Variants in PTCHD4 observed in about 807,000 individuals in gnomAD.
PTCHD4 encodes patched domain containing 4.
In PTCHD4, 33 loss-of-function variants were observed where a neutral mutation model predicts 58.1. The ratio of observed to expected loss-of-function variants is 0.57; its 90% CI spans 0.43 to 0.76. The LOEUF (loss-of-function observed/expected upper bound fraction) is 0.76, where lower values mean the gene tolerates loss of function less well. Ranked by LOEUF, PTCHD4 falls within the 30% of genes least tolerant of loss-of-function variation. The probability of loss-of-function intolerance (pLI) is 0.00; values close to 1 mark genes in which losing one functional copy is unlikely to be tolerated. For missense variants in PTCHD4, 1,058 were observed against 1,027.1 expected (o/e 1.03, Z -0.41); for synonymous variants, 478 against 409.6 (o/e 1.17, Z -2.02).
intron 4 of PTCHD4, among the ~76,000 whole-genome samples, chr6:48,007,318 A>G (rs563051493): frequency 6.6e-6 from 1 of 152,324 alleles, no homozygotes; most frequent in African/African-American, 2.4e-5. Flanking sequence ...ATAGATAAAT[A>G]AGTTAGATCC....
rs539511180 is a variant in PTCHD4, at chr6:47,972,567, T to C, written c.898+36067A>G. Among the ~76,000 whole-genome samples, 14 of 152,266 alleles carry C rather than the reference T, an allele frequency of 9.2e-5. No homozygotes were observed. In the South Asian group the frequency reaches 2.9e-3, roughly 32 times the overall value. On this transcript the variant is annotated intron_variant, in intron 4 of 4. Transcript: ENST00000339488. Reference sequence around the variant, plus strand: ...AATTTTTTGAACATTGTATAAAGTTTAGCAAAGTCTTTTAGCTTCAAAAAT... The same window carrying C: ...AATTTTTTGAACATTGTATAAAGTTCAGCAAAGTCTTTTAGCTTCAAAAAT...
At chr6:48,086,046 C>A (rs1188444638) in intron 1 of PTCHD4, among the ~76,000 whole-genome samples, 1 of 151,824 alleles carries the variant, frequency 6.6e-6, no homozygotes, top group Non-Finnish European at 1.5e-5. Context: ...AGTGGTACAG[C>A]AATATTCACA....
chr6:48,082,920 A>C (rs1401378095), intron 1 of PTCHD4, among the ~76,000 whole-genome samples: 3 of 151,872 alleles, frequency 2.0e-5, no homozygotes, highest in African/African-American at 7.2e-5. Context: ...TTATTGGTAC[A>C]TGTTTGGCTT....
At position 48,009,070 on chromosome 6, in the gene PTCHD4, C is replaced by T. The variant is rs777988972; in HGVS notation, c.462G>A (p.Val154=). The T allele has an allele frequency of 6.2e-7, 1 of 1,613,724 alleles. No homozygotes were observed. Among genetic ancestry groups the T allele is most frequent in the Non-Finnish European group, 8.5e-7 (1 of 1,179,778 alleles). The part of the protein sequence containing the change: ...SFIGHQLGGV[V]EVPNSKDQRV... ...GCTGATCTTTGCTGTTTGGCACTTC[C>T]ACTACCCCGCCCAGTTGGTGTCCAA... Residue 154 remains valine (V), a synonymous_variant, in exon 4 of 5, where the codon GTG becomes GTA. Coordinates refer to ENST00000339488, the MANE Select transcript of PTCHD4 (RefSeq NM_001384253.1).
intron 4 of PTCHD4, among the ~76,000 whole-genome samples, chr6:47,926,349 C>T (rs1765613707): frequency 6.6e-6 from 1 of 152,120 alleles, no homozygotes; most frequent in Admixed American, 6.6e-5. Flanking sequence ...AACTAGGATA[C>T]TATTTTTTAT....
chr6:48,061,049 C>T (rs935235417), intron 3 of PTCHD4, among the ~76,000 whole-genome samples: 1 of 152,220 alleles, frequency 6.6e-6, no homozygotes, highest in Non-Finnish European at 1.5e-5. Context: ...TAAAGGTACA[C>T]TCTTCTGTAA....
chr6:48,033,634 T>A (rs1227653627), intron 3 of PTCHD4, among the ~76,000 whole-genome samples: 1 of 152,028 alleles, frequency 6.6e-6, no homozygotes, highest in Non-Finnish European at 1.5e-5. Flanking sequence ...TACATCCAGA[T>A]GCATGGAGAC....
At chr6:47,979,361 T>G (rs1767800518) in intron 4 of PTCHD4, among the ~76,000 whole-genome samples, 1 of 152,068 alleles carries the variant, frequency 6.6e-6, no homozygotes, top group African/African-American at 2.4e-5. Context: ...ACTAAACAAA[T>G]ATTGAACTCT....
rs1763429144 is a variant in PTCHD4, at chr6:47,861,668, T to C, written c.*16635A>G. 6.6e-6 allele frequency among the ~76,000 whole-genome samples: 1 copy of C among 151,936 alleles called. No individual in the cohort carries two copies. Among genetic ancestry groups the C allele is most frequent in the Admixed American group, 6.6e-5 (1 of 15,216 alleles). On this transcript the variant is annotated 3_prime_UTR_variant, in exon 5 of 5. Transcript: ENST00000339488. ...GAACAATTTTTAGATTAATAGCAGG[T>C]TAATTAGGTTAATAGCAGGCAAATA... is the stretch of plus-strand genomic sequence containing the variant.
intron 4 of PTCHD4, among the ~76,000 whole-genome samples, chr6:47,911,731 C>T (rs1262408921): frequency 6.6e-6 from 1 of 152,052 alleles, no homozygotes; most frequent in African/African-American, 2.4e-5. Flanking sequence ...TAGACATCTA[C>T]ATTCTGATGT....
intron 3 of PTCHD4, among the ~76,000 whole-genome samples, chr6:48,034,028 C>A (rs892368063): frequency 2.6e-5 from 4 of 152,070 alleles, no homozygotes; most frequent in African/African-American, 7.2e-5. Context: ...TTGGAAAGCA[C>A]CTTCAGCAAG....
intron 3 of PTCHD4, among the ~76,000 whole-genome samples, chr6:48,049,182 TGGG>T (rs1387799486): frequency 1.3e-5 from 2 of 151,738 alleles, no homozygotes; most frequent in Non-Finnish European, 2.9e-5. Flanking sequence ...TTTCACGACT[TGGG>T]GGAGGAGGAG....
chr6:47,864,394 G>T lies in PTCHD4; in HGVS notation c.*13909C>A, dbSNP rs1307870010. 6.6e-6 allele frequency among the ~76,000 whole-genome samples: 1 copy of T among 151,868 alleles called. No homozygotes were observed. Among genetic ancestry groups the T allele is most frequent in the Admixed American group, 6.6e-5 (1 of 15,232 alleles). On this transcript the variant is annotated 3_prime_UTR_variant, in exon 5 of 5. Coordinates refer to ENST00000339488, the MANE Select transcript of PTCHD4 (RefSeq NM_001384253.1). Reference sequence around the variant, plus strand: ...CTAAAATCCTTGATGGGTAGTGGCTGCCTCTCATTTCTCTTTGCATTTACT... The same window carrying T: ...CTAAAATCCTTGATGGGTAGTGGCTTCCTCTCATTTCTCTTTGCATTTACT...
rs1190324561 is a variant in PTCHD4, at chr6:48,064,381, T to C, written c.417+3849A>G. Among the ~76,000 whole-genome samples the C allele has an allele frequency of 2.0e-5, 3 of 152,300 alleles. No homozygotes were observed. In the East Asian group the frequency reaches 5.8e-4, roughly 29 times the overall value. On this transcript the variant is annotated intron_variant, in intron 3 of 4. Transcript: ENST00000339488. The stretch of plus-strand genomic sequence containing the variant: ...CCTGTAAACACCTGACCTCCTTGAA[T>C]GATAATGAAAACATTTCTTAGAGTC...
At chr6:48,021,611 T>A (rs1562011520) in intron 3 of PTCHD4, among the ~76,000 whole-genome samples, 3 of 141,184 alleles carry the variant, frequency 2.1e-5, no homozygotes, top group Non-Finnish European at 1.6e-5. Context: ...AAAGCTAGCT[T>A]ATTTTTTTTT....
At chr6:48,027,383 G>A (rs1343086392) in intron 3 of PTCHD4, among the ~76,000 whole-genome samples, 1 of 152,010 alleles carries the variant, frequency 6.6e-6, no homozygotes, top group Non-Finnish European at 1.5e-5. Flanking sequence ...TAAATTGTCA[G>A]TATTACTATA....
chr6:48,028,716 C>T (rs1763335461), intron 3 of PTCHD4, among the ~76,000 whole-genome samples: 1 of 151,952 alleles, frequency 6.6e-6, no homozygotes, highest in South Asian at 2.1e-4. Context: ...CAACCTTTAT[C>T]ATGTTCTTGA....
chr6:47,960,402 A>G (rs1263974827), intron 4 of PTCHD4, among the ~76,000 whole-genome samples: 2 of 152,184 alleles, frequency 1.3e-5, no homozygotes, highest in African/African-American at 4.8e-5. Flanking sequence ...TCCAATTAAA[A>G]GACGAAAGTT....
In PTCHD4 at chr6:47,856,867, T is replaced by G. The variant is rs1301296464; in HGVS notation, c.*21436A>C. 6.6e-6 allele frequency among the ~76,000 whole-genome samples: 1 copy of G among 152,082 alleles called. No individual in the cohort carries two copies. The stretch of plus-strand genomic sequence containing the variant: ...TGATTTTCTAATATAAAAAAGCATA[T>G]AGTCATCAACCTTTATATAAATCCA... On this transcript the variant is annotated 3_prime_UTR_variant, in exon 5 of 5. Coordinates refer to ENST00000339488, the MANE Select transcript of PTCHD4 (RefSeq NM_001384253.1).
Sources: allele counts gnomAD v4.1 joint callset (sites outside exome capture counted in the v4.1 genomes callset), GRCh38; gene constraint gnomAD v4.1.1; transcripts MANE v1.5; gene names NCBI Gene and HGNC (gene_info 2026-07-23, HGNC 2026-07-21).